The following MYO18B variants were observed in gnomAD, a reference collection of about 807,000 sequenced individuals.
MYO18B encodes myosin XVIIIB, also known as unconventional myosin-XVIIIb.
In MYO18B, 204 loss-of-function variants were observed where a neutral mutation model predicts 273.0. The observed-to-expected ratio is 0.75, with a 90% CI of 0.67 to 0.84. The LOEUF is 0.84. MYO18B is among the 40% of genes least tolerant of loss of function. The pLI is 0.00. For synonymous variants in MYO18B, 1,330 were observed against 1,305.7 expected (o/e 1.02, Z -0.40); for missense variants, 3,212 against 3,287.6 (o/e 0.98, Z 0.56).
chr22:25,775,631 G>A (rs2086885977), intron 7 of MYO18B, among the ~76,000 whole-genome samples: 1 of 151,962 alleles, frequency 6.6e-6, no homozygotes, highest in Admixed American at 6.6e-5. Flanking sequence ...CCTCTTCCTG[G>A]AAACACACCC....
At chr22:25,898,072 T>C (rs1180103083) in intron 28 of MYO18B, 1 of 483,604 alleles carries the variant, frequency 2.1e-6, no homozygotes, top group East Asian at 3.5e-5. Flanking sequence ...AAAAGTAAAA[T>C]CAACCTTAAG....
chr22:26,025,378 T>A (rs1232422534), intron 42 of MYO18B, among the ~76,000 whole-genome samples: 3 of 152,192 alleles, frequency 2.0e-5, no homozygotes, highest in Non-Finnish European at 2.9e-5. Context: ...GAAGTCTTCC[T>A]CAAAGTCTTG....
intron 36 of MYO18B, among the ~76,000 whole-genome samples, chr22:25,948,215 A>C (rs999683347): frequency 6.6e-6 from 1 of 151,992 alleles, no homozygotes; most frequent in African/African-American, 2.4e-5. Context: ...TCATCCACCC[A>C]TCCACCCAAC....
chr22:25,913,212 C>T (rs1306608546), intron 33 of MYO18B, among the ~76,000 whole-genome samples: 3 of 152,142 alleles, frequency 2.0e-5, no homozygotes, highest in Admixed American at 2.0e-4. Context: ...CGTCACTAGC[C>T]GTGTCTGAAA....
In MYO18B at chr22:25,791,646, A is replaced by G. The variant is rs75919280; in HGVS notation, c.2376+6155A>G. On this transcript the variant is annotated intron_variant, in intron 11 of 43. Coordinates refer to ENST00000335473, the MANE Select transcript of MYO18B (RefSeq NM_032608.7). ...TGTGCCCAGCAGCAGTGGTAATAAT[A>G]ATAATAATCCTTGCCACCCAGCAGT... is the stretch of plus-strand genomic sequence containing the variant. 6.4e-3 allele frequency among the ~76,000 whole-genome samples: 981 copies of G among 152,262 alleles called. 24 individuals are homozygous for G. In the East Asian group the frequency reaches 0.086, roughly 13 times the overall value.
intron 12 of MYO18B, among the ~76,000 whole-genome samples, chr22:25,808,170 C>T (rs983233842): frequency 2.6e-5 from 4 of 152,086 alleles, no homozygotes; most frequent in Non-Finnish European, 4.4e-5. Context: ...TCTATGTCCT[C>T]TTTGCAGCAA....
At chr22:26,061,792 A>T in the MYO18B span, among the ~76,000 whole-genome samples, 1 of 151,380 alleles carries the variant, frequency 6.6e-6, no homozygotes, top group African/African-American at 2.4e-5. Flanking sequence ...CTCCAACCTC[A>T]CTCCTACCAC....
In MYO18B at chr22:25,903,011, A is replaced by T. The variant is rs866613721; in HGVS notation, c.4947+275A>T. On this transcript the variant is annotated intron_variant, in intron 30 of 43. Coordinates refer to ENST00000335473, the MANE Select transcript of MYO18B (RefSeq NM_032608.7). ...CTGGGAGGTATAACAGGCTCAGCAG[A>T]GAATGAGTTAGCTATAACCTTGTCC... 8.1e-6 allele frequency: 3 copies of T among 372,510 alleles called. No individual in the cohort carries two copies. In the South Asian group the frequency reaches 8.1e-5, roughly 10 times the overall value. The allele number at this position is 372,510 out of a possible 1,614,324, so 23.1% of individuals were successfully genotyped here.
At chr22:25,742,968 G>A (rs78031264) in intron 1 of MYO18B, among the ~76,000 whole-genome samples, 2 of 152,340 alleles carry the variant, frequency 1.3e-5, no homozygotes, top group African/African-American at 2.4e-5. Context: ...GGGGCAGAAG[G>A]GGGCTATGCT....
At chr22:25,895,024 T>C (rs1416905198) in intron 27 of MYO18B, 132 bp from the exon 28 acceptor site, 4 of 1,119,164 alleles carry the variant, frequency 3.6e-6, no homozygotes, top group African/African-American at 1.6e-5. Context: ...TGGTCCAAGG[T>C]TGAGGCTCAA....
intron 34 of MYO18B, among the ~76,000 whole-genome samples, chr22:25,932,395 CTTT>C (rs201505197): frequency 0.25 from 36,470 of 146,396 alleles, 5,145 homozygotes; most frequent in Middle Eastern, 0.35. Context: ...CTTTTCTTTT[CTTT>C]TTTCTTTTCT....
intron 23 of MYO18B, 92 bp from the exon 24 acceptor site, chr22:25,876,097 C>T (rs558543928): frequency 7.4e-7 from 1 of 1,349,592 alleles, no homozygotes; most frequent in African/African-American, 1.4e-5. Flanking sequence ...CCCACTTCCT[C>T]CAGCCCCTTT....
chr22:25,798,746 T>C (rs1457923825), intron 12 of MYO18B, among the ~76,000 whole-genome samples: 3 of 152,032 alleles, frequency 2.0e-5, no homozygotes, highest in Admixed American at 6.5e-5. Flanking sequence ...TTTTATTTTT[T>C]TGTAGATAGG....
chr22:26,027,363 T>C lies in MYO18B; in HGVS notation c.7389T>C (p.Gly2463=), dbSNP rs185466872. The C allele has an allele frequency of 7.1e-3, 11,436 of 1,613,892 alleles. 58 individuals are homozygous for C. Among genetic ancestry groups the C allele is most frequent in the Non-Finnish European group, 8.0e-3 (9,404 of 1,179,862 alleles). ...TPTSLAGSAK[G]GQDGSQRSSI... is the part of the protein sequence containing the mutation. ...CCTCCTTGGCTGGATCAGCCAAAGGTGGGCAAGACGGTTCACAGCGTTCAA... is the reference window on the plus strand; with the variant it reads ...CCTCCTTGGCTGGATCAGCCAAAGGCGGGCAAGACGGTTCACAGCGTTCAA... Residue 2463 remains glycine (G), a synonymous_variant, in exon 43 of 44, where the codon GGT becomes GGC. Transcript: ENST00000335473. The surrounding 1 kb of genome is among the most constrained non-coding windows in gnomAD (Gnocchi z 4.1).
intron 16 of MYO18B, among the ~76,000 whole-genome samples, 199 bp from the exon 17 acceptor site, chr22:25,835,097 A>G (rs2089849017): frequency 6.6e-6 from 1 of 152,194 alleles, no homozygotes; most frequent in Admixed American, 6.5e-5. Context: ...CAGGATTCAG[A>G]CAGTTTGCAA....
At chr22:25,870,210 G>A (rs903885885) in intron 22 of MYO18B, among the ~76,000 whole-genome samples, 2 of 152,314 alleles carry the variant, frequency 1.3e-5, no homozygotes, top group East Asian at 1.9e-4. Context: ...ATGCAGTCAC[G>A]TGTGGCTTAA....
downstream of MYO18B, among the ~76,000 whole-genome samples, chr22:26,033,841 T>C (rs866807600): frequency 2.7e-3 from 288 of 106,338 alleles, 2 homozygotes; most frequent in African/African-American, 0.019. Context: ...TCTTTCTTTC[T>C]TTCCTTTCTT....
chr22:25,928,533 C>T (rs1033892771), intron 34 of MYO18B, among the ~76,000 whole-genome samples: 1 of 152,032 alleles, frequency 6.6e-6, no homozygotes, highest in Non-Finnish European at 1.5e-5. Context: ...TGGGCAGGCA[C>T]CCCCTCTGTT....
At chr22:25,992,305 G>A in intron 39 of MYO18B, 58 bp from the exon 40 acceptor site, 1 of 1,602,604 alleles carries the variant, frequency 6.2e-7, no homozygotes, top group Non-Finnish European at 8.5e-7. Context: ...CCCAGTGCAT[G>A]CATGGGTGGT....
Sources: allele counts gnomAD v4.1 joint callset (sites outside exome capture counted in the v4.1 genomes callset), GRCh38; gene constraint gnomAD v4.1.1; non-coding constraint Gnocchi (gnomAD v3.1); transcripts MANE v1.5; gene names NCBI Gene and HGNC (gene_info 2026-07-23, HGNC 2026-07-21).